The following FREM1 variants were observed in gnomAD, a reference collection of about 807,000 sequenced individuals.
FREM1 encodes the protein FRAS1-related extracellular matrix protein 1.
Under a neutral mutation model 210.1 loss-of-function variants are expected in FREM1, and 220 were observed. The ratio of observed to expected loss-of-function variants is 1.05; its 90% CI spans 0.94 to 1.17. The LOEUF (loss-of-function observed/expected upper bound fraction) is 1.17. Ranked by LOEUF, FREM1 falls within the 50% of genes most tolerant of loss-of-function variation. FREM1 has a pLI of 0.00. For synonymous variants in FREM1, 1,189 were observed against 980.2 expected, an observed-to-expected ratio of 1.21 and a Z score of -3.98; for missense variants, 3,454 against 2,675.5, an observed-to-expected ratio of 1.29 and a Z score of -6.42.
chr9:14,863,289 C>T (rs1830898635), intron 3 of FREM1, among the ~76,000 whole-genome samples: 1 of 146,420 alleles, frequency 6.8e-6, no homozygotes, highest in Admixed American at 7.0e-5. Flanking sequence ...TGCAGTGAGC[C>T]GAGATTGCGC....
intron 10 of FREM1, 53 bp downstream of exon 10, chr9:14,841,394 A>C: frequency 7.0e-7 from 1 of 1,430,260 alleles, no homozygotes; most frequent in Non-Finnish European, 9.4e-7. Context: ...CATCTCCTAG[A>C]ATTGACACCT....
intron 13 of FREM1, among the ~76,000 whole-genome samples, chr9:14,822,386 T>G (rs1301426269): frequency 2.0e-5 from 3 of 152,170 alleles, no homozygotes; most frequent in Non-Finnish European, 4.4e-5. Context: ...AGAACGCCAG[T>G]GCAGGCTATA....
intron 22 of FREM1, among the ~76,000 whole-genome samples, chr9:14,792,407 C>A (rs1851587792): frequency 6.6e-6 from 1 of 151,718 alleles, no homozygotes; most frequent in African/African-American, 2.4e-5. Flanking sequence ...AATCACAAGT[C>A]AAAAATCTGG....
chr9:14,761,610 T>C (rs1473625881), intron 27 of FREM1, among the ~76,000 whole-genome samples: 2 of 152,244 alleles, frequency 1.3e-5, no homozygotes, highest in African/African-American at 4.8e-5. Context: ...AACCGTGATC[T>C]GAAAATATTA....
At chr9:14,886,505 T>A (rs928163031) in intron 1 of FREM1, among the ~76,000 whole-genome samples, 1 of 150,368 alleles carries the variant, frequency 6.7e-6, no homozygotes, top group African/African-American at 2.4e-5. Context: ...ATTTTTGAAA[T>A]CCTCAACAAG....
intron 24 of FREM1, among the ~76,000 whole-genome samples, chr9:14,776,982 G>A (rs1241614226): frequency 6.6e-6 from 1 of 152,192 alleles, no homozygotes. Flanking sequence ...TCACAAAGTT[G>A]GTGGGAGATC....
intron 27 of FREM1, among the ~76,000 whole-genome samples, chr9:14,765,893 T>C (rs992668663): frequency 9.2e-5 from 14 of 152,198 alleles, no homozygotes; most frequent in South Asian, 2.1e-4. Context: ...AGAAGCTGTA[T>C]TAGGAAAACA....
At position 14,756,388 on chromosome 9, in the gene FREM1, A is replaced by C; in HGVS notation, c.5393T>G (p.Ile1798Ser). Reference protein sequence around the residue: ...KDFTVIPSKLIQFDPGMSTKM... With the variant: ...KDFTVIPSKLSQFDPGMSTKM... The stretch of plus-strand genomic sequence containing the variant: ...ACAAAATGTACCTGGGTCAAACTGA[A>C]TCAGTTTAGATGGAATCACGGTGAA... The change falls in exon 29 of 37, where the codon ATT becomes AGT. Residue 1798 changes from isoleucine to serine, a missense_variant. Coordinates refer to ENST00000380880, the MANE Select transcript of FREM1 (RefSeq NM_001379081.2). The C allele has an allele frequency of 6.3e-7, 1 of 1,598,804 alleles. No individual in the cohort carries two copies. The highest frequency in any genetic ancestry group is 8.5e-7 in the Non-Finnish European group (1 of 1,171,976).
At chr9:14,878,948 G>A (rs1026321079) in intron 1 of FREM1, among the ~76,000 whole-genome samples, 2 of 152,098 alleles carry the variant, frequency 1.3e-5, no homozygotes, top group African/African-American at 4.8e-5. Flanking sequence ...CTGAGGTCAG[G>A]AGTTCGAGAA....
rs564538972 is a variant in FREM1, at chr9:14,832,820, T to C, written c.1882-7828A>G. 9.2e-5 allele frequency among the ~76,000 whole-genome samples: 14 copies of C among 152,168 alleles called. No individual in the cohort carries two copies. The East Asian group carries it at 2.7e-3, about 29-fold the overall frequency. ...ATGTTCTCAGTAAATGTATAATTAATAAAAAAAGGATTTGTAAGGTTGGTC... is the reference window on the plus strand; with the variant it reads ...ATGTTCTCAGTAAATGTATAATTAACAAAAAAAGGATTTGTAAGGTTGGTC... On this transcript the variant is annotated intron_variant, in intron 10 of 36. Transcript: ENST00000380880.
chr9:14,831,736 T>C (rs1564028747), intron 10 of FREM1, among the ~76,000 whole-genome samples: 1 of 152,212 alleles, frequency 6.6e-6, no homozygotes, highest in Non-Finnish European at 1.5e-5. Flanking sequence ...ATCTATTTTT[T>C]GGAAGGCACA....
intron 29 of FREM1, 95 bp from the exon 30 acceptor site, chr9:14,750,371 T>C: frequency 1.1e-6 from 1 of 946,340 alleles, no homozygotes; most frequent in Non-Finnish European, 1.6e-6. Flanking sequence ...ACAGCTAGAC[T>C]GCAGTAGCCC....
chr9:14,878,608 A>C (rs1834218902), intron 1 of FREM1, among the ~76,000 whole-genome samples: 1 of 152,134 alleles, frequency 6.6e-6, no homozygotes, highest in African/African-American at 2.4e-5. Context: ...TGTGGTTTTC[A>C]CCATTACTTT....
intron 29 of FREM1, among the ~76,000 whole-genome samples, chr9:14,753,586 C>A (rs377723007): frequency 6.6e-6 from 1 of 152,296 alleles, no homozygotes; most frequent in East Asian, 1.9e-4. Flanking sequence ...AGTTCTCAAA[C>A]CTTACGGCAT....
intron 18 of FREM1, among the ~76,000 whole-genome samples, chr9:14,805,657 A>G (rs1051378388): frequency 1.3e-5 from 2 of 152,252 alleles, no homozygotes; most frequent in African/African-American, 4.8e-5. Context: ...TTAAATCCAA[A>G]GAGAAAATGC....
At chr9:14,870,186 AAATG>A (rs1313729107) in intron 1 of FREM1, among the ~76,000 whole-genome samples, 6 of 152,240 alleles carry the variant, frequency 3.9e-5, no homozygotes, top group African/African-American at 1.4e-4. Context: ...GTAGATACCA[AAATG>A]AATGTTTGTC....
At chr9:14,792,299 C>CAG (rs1563938714) in intron 22 of FREM1, among the ~76,000 whole-genome samples, 2 of 146,816 alleles carry the variant, frequency 1.4e-5, no homozygotes, top group African/African-American at 5.0e-5. Context: ...CACACACACA[C>CAG]ACACAGAGAG....
intron 24 of FREM1, among the ~76,000 whole-genome samples, chr9:14,783,114 A>C (rs12004158): frequency 0.025 from 3,872 of 152,326 alleles, 158 homozygotes; most frequent in African/African-American, 0.087. Flanking sequence ...ATCAAGAGAA[A>C]AAAATAAGAT....
intron 8 of FREM1, among the ~76,000 whole-genome samples, chr9:14,844,309 T>G (rs1374483658): frequency 6.7e-6 from 1 of 149,630 alleles, no homozygotes; most frequent in Non-Finnish European, 1.5e-5. Flanking sequence ...CACTGCAACC[T>G]CCACCTCCCG....
Sources: allele counts gnomAD v4.1 joint callset (sites outside exome capture counted in the v4.1 genomes callset), GRCh38; gene constraint gnomAD v4.1.1; transcripts MANE v1.5; gene names NCBI Gene and HGNC (gene_info 2026-07-23, HGNC 2026-07-21).